The following MYBPC1 variants were observed in gnomAD, a reference collection of about 807,000 sequenced individuals.
MYBPC1 encodes the protein myosin binding protein C1, also known as myosin-binding protein C, slow-type.
MYBPC1 carries 52 observed loss-of-function variants against 147.1 expected under a neutral mutation model. That is an observed-to-expected ratio of 0.35 (90% CI 0.28 to 0.45). The LOEUF is 0.45. MYBPC1 is among the 20% of genes least tolerant of loss of function. The pLI is 1.00. For missense variants in MYBPC1, 1,228 were observed against 1,440.3 expected (o/e 0.85, Z 2.39); for synonymous variants, 477 against 475.9 (o/e 1.00, Z -0.03).
chr12:101,639,375 A>G (rs1891588123), intron 10 of MYBPC1, among the ~76,000 whole-genome samples: 1 of 152,346 alleles, frequency 6.6e-6, no homozygotes, highest in Non-Finnish European at 1.5e-5. Context: ...AGACAGGGTC[A>G]TGTGCAGCCA....
chr12:101,690,533 A>G (rs113872017), downstream of MYBPC1, among the ~76,000 whole-genome samples: 1,023 of 152,328 alleles, frequency 6.7e-3, 5 homozygotes, highest in Middle Eastern at 0.01. Flanking sequence ...GTTCCCTCTA[A>G]TGCTTCTCAA....
intron 1 of MYBPC1, among the ~76,000 whole-genome samples, chr12:101,598,911 A>G (rs192924311): frequency 2.0e-5 from 3 of 152,298 alleles, no homozygotes; most frequent in African/African-American, 7.2e-5. Context: ...TAAAACCCAG[A>G]AAAATTCTCT....
At chr12:101,657,035 A>G (rs1895661418) in intron 18 of MYBPC1, among the ~76,000 whole-genome samples, 1 of 152,216 alleles carries the variant, frequency 6.6e-6, no homozygotes, top group African/African-American at 2.4e-5. Flanking sequence ...AAAAATAAAT[A>G]AATTACAGAA....
chr12:101,690,271 T>C (rs544568420), downstream of MYBPC1, among the ~76,000 whole-genome samples: 3 of 152,208 alleles, frequency 2.0e-5, no homozygotes, highest in Non-Finnish European at 4.4e-5. Flanking sequence ...GTGTGCTCAT[T>C]CATGTTGGAG....
At chr12:101,636,557 T>C (rs1236445826) in intron 9 of MYBPC1, 115 bp from the exon 10 acceptor site, 2 of 818,240 alleles carry the variant, frequency 2.4e-6, no homozygotes, top group East Asian at 5.2e-5. Context: ...TTTGTGTTGA[T>C]TTAGTCCTTG....
At chr12:101,694,759 C>CT in the MYBPC1 span, among the ~76,000 whole-genome samples, 75,942 of 149,748 alleles carry the variant, frequency 0.51, 20,222 homozygotes, top group Admixed American at 0.6. Context: ...AATACATCTG[C>CT]TTTTTTTTTT....
chr12:101,675,271 C>T (rs762294638), intron 25 of MYBPC1, 21 bp from the exon 26 acceptor site: 1 of 1,613,788 alleles, frequency 6.2e-7, no homozygotes, highest in Non-Finnish European at 8.5e-7. Flanking sequence ...CTTGCAGTGA[C>T]ACCATGAATT....
intron 2 of MYBPC1, among the ~76,000 whole-genome samples, chr12:101,615,425 C>A (rs1211223563): frequency 6.6e-6 from 1 of 152,060 alleles, no homozygotes; most frequent in Admixed American, 6.6e-5. Flanking sequence ...TAGGTATTTA[C>A]CCTGTGCACA....
intron 29 of MYBPC1, among the ~76,000 whole-genome samples, chr12:101,681,673 A>C (rs1267553968): frequency 8.0e-6 from 1 of 125,086 alleles, no homozygotes; most frequent in East Asian, 2.6e-4. Context: ...GAAGGGTGCG[A>C]TCTCAGCTCA....
At chr12:101,596,774 C>A (rs994728018) in intron 1 of MYBPC1, among the ~76,000 whole-genome samples, 1 of 152,168 alleles carries the variant, frequency 6.6e-6, no homozygotes, top group South Asian at 2.1e-4. Context: ...CCCCACCCCC[C>A]CAATATATAT....
chr12:101,690,652 C>T (rs1951399301), downstream of MYBPC1, among the ~76,000 whole-genome samples: 1 of 152,228 alleles, frequency 6.6e-6, no homozygotes, highest in Non-Finnish European at 1.5e-5. Flanking sequence ...AGAACCGTGT[C>T]TCTGAAGGAA....
At chr12:101,642,644 G>GTA in intron 11 of MYBPC1, 59 bp downstream of exon 11, 1 of 1,549,186 alleles carries the variant, frequency 6.5e-7, no homozygotes, top group East Asian at 2.3e-5. Flanking sequence ...CGAAAGCCTT[G>GTA]ACCGTGAACC....
At chr12:101,657,227 A>T (rs944336394) in intron 18 of MYBPC1, among the ~76,000 whole-genome samples, 1 of 152,206 alleles carries the variant, frequency 6.6e-6, no homozygotes, top group African/African-American at 2.4e-5. Flanking sequence ...AAGGGAAATT[A>T]ATGGCAATGA....
At chr12:101,688,670 G>A (rs1033211080), downstream of MYBPC1, among the ~76,000 whole-genome samples, 1 of 152,052 alleles carries the variant, frequency 6.6e-6, no homozygotes, top group African/African-American at 2.4e-5. Flanking sequence ...GATAAATAAA[G>A]GTACTTGAGG....
At chr12:101,604,859 T>G (rs1025920583) in intron 1 of MYBPC1, among the ~76,000 whole-genome samples, 12 of 152,184 alleles carry the variant, frequency 7.9e-5, no homozygotes, top group Admixed American at 2.6e-4. Context: ...TAGACGCCAT[T>G]CCAGGTAATT....
Position 101,663,694 on chromosome 12 carries a change from C to G in MYBPC1, c.2356+134C>G. ...TAAGATCAAGCCAAACGTCATCCTTCTGAGATGTATATAAACTAAGCCCTT... is the reference window on the plus strand; with the variant it reads ...TAAGATCAAGCCAAACGTCATCCTTGTGAGATGTATATAAACTAAGCCCTT... On this transcript the variant is annotated intron_variant, in intron 22 of 31. Coordinates refer to ENST00000361466, the MANE Select transcript of MYBPC1 (RefSeq NM_002465.4). 2.9e-6 allele frequency: 3 copies of G among 1,046,092 alleles called. No individual in the cohort carries two copies. The South Asian group carries it at 4.1e-5, about 14-fold the overall frequency. The allele number at this position is 1,046,092 out of a possible 1,614,324, so 64.8% of individuals were successfully genotyped here.
chr12:101,694,447 A>G, the MYBPC1 span, among the ~76,000 whole-genome samples: 1 of 152,222 alleles, frequency 6.6e-6, no homozygotes, highest in East Asian at 1.9e-4. Flanking sequence ...ATCCTCCACA[A>G]TGTGATGGTA....
intron 10 of MYBPC1, among the ~76,000 whole-genome samples, chr12:101,641,702 T>C (rs1892077659): frequency 6.6e-6 from 1 of 152,132 alleles, no homozygotes; most frequent in Non-Finnish European, 1.5e-5. Flanking sequence ...TACTTTAAGA[T>C]GAAATGTAAG....
chr12:101,680,269 A>T, intron 28 of MYBPC1, 74 bp from the exon 29 acceptor site: 1 of 1,413,154 alleles, frequency 7.1e-7, no homozygotes, highest in Non-Finnish European at 9.8e-7. Flanking sequence ...AAATTCTGTC[A>T]CTGGCTTTGA....
Sources: allele counts gnomAD v4.1 joint callset (sites outside exome capture counted in the v4.1 genomes callset), GRCh38; gene constraint gnomAD v4.1.1; transcripts MANE v1.5; gene names NCBI Gene and HGNC (gene_info 2026-07-23, HGNC 2026-07-21).